The following LIMS1 variants were observed in gnomAD, a reference collection of about 807,000 sequenced individuals.
LIMS1 encodes LIM and senescent cell antigen-like-containing domain protein 1.
LIMS1 carries 18 observed loss-of-function variants against 44.1 expected under a neutral mutation model. That is an observed-to-expected ratio of 0.41 (90% confidence interval 0.28 to 0.61). The LOEUF is 0.61. Ranked by LOEUF, LIMS1 falls within the 20% of genes least tolerant of loss-of-function variation. The probability of loss-of-function intolerance (pLI) is 0.32; values close to 1 mark genes in which losing one functional copy is unlikely to be tolerated. For synonymous variants in LIMS1, 93 were observed against 149.1 expected, an observed-to-expected ratio of 0.62 and a Z score of 2.74; for missense variants, 201 against 422.0, an observed-to-expected ratio of 0.48 and a Z score of 4.59.
In LIMS1 at chr2:108,675,873, G is replaced by T. The variant is rs1364247086; in HGVS notation, c.531-5G>T. On this transcript the variant is annotated splice_polypyrimidine_tract_variant and splice_region_variant and intron_variant, in intron 5 of 9. Transcript: ENST00000544547. ...TATTAAGCTGTGTGTCTTTCTCACG[G>T]ACAGGAAGGAGCTGACTGCCGATGC... 6.2e-7 allele frequency: 1 copy of T among 1,613,922 alleles called. No homozygotes were observed. Among genetic ancestry groups the T allele is most frequent in the Admixed American group, 1.7e-5 (1 of 60,006 alleles).
At chr2:108,554,782 G>C (rs547842499) in intron 1 of LIMS1, among the ~76,000 whole-genome samples, 1 of 152,124 alleles carries the variant, frequency 6.6e-6, no homozygotes, top group Non-Finnish European at 1.5e-5. Flanking sequence ...CACTAGGGGA[G>C]GTGTGCTCTT....
At chr2:108,538,966 A>G (rs1684228769) in intron 1 of LIMS1, among the ~76,000 whole-genome samples, 3 of 152,236 alleles carry the variant, frequency 2.0e-5, no homozygotes, top group South Asian at 4.1e-4. Flanking sequence ...TAATGGCTGC[A>G]TAGTATTTCA....
At chr2:108,593,104 A>G (rs1686490144) in intron 1 of LIMS1, among the ~76,000 whole-genome samples, 1 of 152,124 alleles carries the variant, frequency 6.6e-6, no homozygotes, top group Non-Finnish European at 1.5e-5. Context: ...AGGGACTTCC[A>G]ATCATTCTCT....
intron 1 of LIMS1, among the ~76,000 whole-genome samples, chr2:108,559,997 C>A (rs574867033): frequency 6.4e-4 from 98 of 152,110 alleles, no homozygotes; most frequent in Non-Finnish European, 1.2e-3. Context: ...TTGGAGCATC[C>A]TTTGCTCCCT....
At chr2:108,564,121 C>T (rs752488862) in intron 1 of LIMS1, among the ~76,000 whole-genome samples, 3 of 152,010 alleles carry the variant, frequency 2.0e-5, no homozygotes, top group Admixed American at 1.3e-4. Context: ...CCACAGCCAC[C>T]CCAGGCTTCA....
chr2:108,587,336 G>C (rs1363718904), intron 1 of LIMS1, among the ~76,000 whole-genome samples: 1 of 129,790 alleles, frequency 7.7e-6, no homozygotes, highest in African/African-American at 2.7e-5. Context: ...GTGTGTGTGT[G>C]TGTGTTTGGT....
intron 1 of LIMS1, among the ~76,000 whole-genome samples, chr2:108,637,447 A>G (rs1020470834): frequency 5.3e-5 from 8 of 152,194 alleles, no homozygotes; most frequent in Admixed American, 4.6e-4. Flanking sequence ...CTGAAGGTTA[A>G]TGTCCAGGGA....
chr2:108,615,791 G>A (rs1687897318), intron 1 of LIMS1, among the ~76,000 whole-genome samples: 2 of 152,176 alleles, frequency 1.3e-5, no homozygotes. Flanking sequence ...AGTAATGTTA[G>A]CCTGCAGAGA....
Position 108,534,726 on chromosome 2 carries a change from G to A in LIMS1, c.32+132G>A, listed in dbSNP as rs13025529. On this transcript the variant is annotated intron_variant, in intron 1 of 9. Coordinates refer to ENST00000544547, the Ensembl canonical transcript of LIMS1. ...CCGCGGCCTCCCCCGGTCGGCCGGAGCCCCGACCCCCAGCGCTCGGGTGGC... is the reference window on the plus strand; with the variant it reads ...CCGCGGCCTCCCCCGGTCGGCCGGAACCCCGACCCCCAGCGCTCGGGTGGC... 2.0e-5 allele frequency: 7 copies of A among 343,380 alleles called. No homozygotes were observed. The South Asian group carries it at 6.7e-4, about 33-fold the overall frequency. The allele number at this position is 343,380 out of a possible 1,614,324, so 21.3% of individuals were successfully genotyped here.
rs570866989 is a variant in LIMS1, at chr2:108,612,126, A to T, written c.33-47479A>T. Among the ~76,000 whole-genome samples the T allele has an allele frequency of 2.0e-5, 3 of 150,526 alleles. No individual in the cohort carries two copies. The Admixed American group carries it at 2.0e-4, about 10-fold the overall frequency. On this transcript the variant is annotated intron_variant, in intron 1 of 9. Transcript: ENST00000544547. The stretch of plus-strand genomic sequence containing the variant: ...TCTCTTGGCAGGGGTTCTTGAGATC[A>T]GGATTGGAGGATTAAAACTTCAGGC...
At chr2:108,597,939 G>T (rs571018003) in intron 1 of LIMS1, among the ~76,000 whole-genome samples, 5 of 151,976 alleles carry the variant, frequency 3.3e-5, no homozygotes, top group African/African-American at 1.2e-4. Context: ...TGATCCGCCC[G>T]CCTCAGCCTC....
intron 1 of LIMS1, among the ~76,000 whole-genome samples, chr2:108,625,831 T>A (rs1485842182): frequency 6.6e-6 from 1 of 152,236 alleles, no homozygotes; most frequent in Non-Finnish European, 1.5e-5. Flanking sequence ...AAGCTCATAT[T>A]TTTATAGATA....
chr2:108,685,397 A>C (rs1693247146), exon 10 of LIMS1: 2 of 152,128 alleles, frequency 1.3e-5, no homozygotes, highest in African/African-American at 4.8e-5. Flanking sequence ...TTAAAAAGAA[A>C]GTTGCCAAGA....
chr2:108,648,699 C>A (rs1021827817), intron 1 of LIMS1, among the ~76,000 whole-genome samples: 8 of 152,188 alleles, frequency 5.3e-5, no homozygotes, highest in Non-Finnish European at 1.0e-4. Context: ...ACCATCTGAT[C>A]TTTGACAAAC....
intron 1 of LIMS1, among the ~76,000 whole-genome samples, chr2:108,586,048 C>T (rs1052508025): frequency 4.6e-5 from 7 of 151,976 alleles, no homozygotes; most frequent in African/African-American, 9.7e-5. Flanking sequence ...AAAAATTAGC[C>T]GGGTGTTGTG....
intron 1 of LIMS1, among the ~76,000 whole-genome samples, chr2:108,581,696 G>C (rs1685891882): frequency 6.6e-6 from 1 of 152,130 alleles, no homozygotes; most frequent in South Asian, 2.1e-4. Flanking sequence ...CTAGCACTTT[G>C]GGAGGCCGAG....
intron 1 of LIMS1, among the ~76,000 whole-genome samples, chr2:108,591,686 C>G (rs2104686819): frequency 6.6e-6 from 1 of 152,110 alleles, no homozygotes; most frequent in South Asian, 2.1e-4. Flanking sequence ...TCTTGAACTC[C>G]TGGCCTCAAG....
At chr2:108,647,095 A>C (rs771959113) in intron 1 of LIMS1, among the ~76,000 whole-genome samples, 7 of 152,226 alleles carry the variant, frequency 4.6e-5, no homozygotes, top group Non-Finnish European at 8.8e-5. Flanking sequence ...AAAAGAGAGA[A>C]GAATCAAATA....
intron 5 of LIMS1, among the ~76,000 whole-genome samples, chr2:108,675,190 G>A (rs1423411060): frequency 2.6e-5 from 4 of 151,882 alleles, no homozygotes; most frequent in East Asian, 1.9e-4. Flanking sequence ...CACAAACTGG[G>A]TAATTTGTAA....
Sources: gnomAD v4.1 joint callset for allele counts (sites outside exome capture counted in the v4.1 genomes callset) on GRCh38, gnomAD v4.1.1 for gene constraint, MANE v1.5 for transcripts, NCBI Gene and HGNC (gene_info 2026-07-23, HGNC 2026-07-21) for gene names.